The following SLC26A5 variants were observed in gnomAD, a reference collection of about 807,000 sequenced individuals.
SLC26A5 encodes the protein prestin.
SLC26A5 carries 51 observed loss-of-function variants against 81.0 expected under a neutral mutation model. That is an observed-to-expected ratio of 0.63 (90% CI 0.50 to 0.80). The LOEUF (loss-of-function observed/expected upper bound fraction) is 0.80. SLC26A5 is among the 30% of genes least tolerant of loss of function. The probability of loss-of-function intolerance (pLI) is 0.00; values close to 1 mark genes in which losing one functional copy is unlikely to be tolerated. For synonymous variants in SLC26A5, 325 were observed against 332.8 expected (o/e 0.98, Z 0.25); for missense variants, 771 against 905.8 (o/e 0.85, Z 1.91).
intron 14 of SLC26A5, among the ~76,000 whole-genome samples, chr7:103,385,932 TTTC>T (rs1483924806): frequency 1.8e-4 from 24 of 135,510 alleles, no homozygotes; most frequent in African/African-American, 9.2e-4. Context: ...TTTTTCTTTC[TTTC>T]TTTTTTTTTT....
chr7:103,419,818 G>GT (rs1358841329), intron 4 of SLC26A5, among the ~76,000 whole-genome samples: 1 of 151,910 alleles, frequency 6.6e-6, no homozygotes, highest in Non-Finnish European at 1.5e-5. Context: ...GATTACAGGC[G>GT]TAAGCCACCA....
In SLC26A5 at chr7:103,377,593, G is replaced by A. The variant is rs201734336; in HGVS notation, c.1986+6C>T. 2 of 1,613,604 alleles carry A rather than the reference G, an allele frequency of 1.2e-6. No homozygotes were observed. Among genetic ancestry groups the A allele is most frequent in the East Asian group, 2.2e-5 (1 of 44,872 alleles). Reference sequence around the variant, plus strand: ...TATTAAATGACTCGTTCAAGAGGATGCTTACCCCTGCCAGAGTTTTCACTC... The same window carrying A: ...TATTAAATGACTCGTTCAAGAGGATACTTACCCCTGCCAGAGTTTTCACTC... On this transcript the variant is annotated splice_donor_region_variant and intron_variant, in intron 18 of 19. Coordinates refer to ENST00000306312, the MANE Select transcript of SLC26A5 (RefSeq NM_198999.3).
At chr7:103,405,234 G>A (rs1453928125) in intron 8 of SLC26A5, among the ~76,000 whole-genome samples, 1 of 152,162 alleles carries the variant, frequency 6.6e-6, no homozygotes, top group Non-Finnish European at 1.5e-5. Flanking sequence ...TGCTGGTGAA[G>A]AGTTGTGATC....
At chr7:103,354,048 G>T in intron 19 of SLC26A5, 1 of 1,014,576 alleles carries the variant, frequency 9.9e-7, no homozygotes, top group Non-Finnish European at 1.4e-6. Context: ...ATTAGAAGAA[G>T]TTAAGAAACC....
At chr7:103,437,778 G>A (rs2116849046) in intron 2 of SLC26A5, among the ~76,000 whole-genome samples, 1 of 152,304 alleles carries the variant, frequency 6.6e-6, no homozygotes, top group South Asian at 2.1e-4. Context: ...GCTAGGTCAT[G>A]GGTGGGAGGG....
chr7:103,362,627 A>ACTTTGAAAGC, intron 19 of SLC26A5: 1 of 1,517,140 alleles, frequency 6.6e-7, no homozygotes, highest in Admixed American at 1.7e-5. Flanking sequence ...AGGACTAAAC[A>ACTTTGAAAGC]TAAAAGCACT....
At chr7:103,361,275 G>A (rs1041900539) in intron 19 of SLC26A5, among the ~76,000 whole-genome samples, 11 of 151,540 alleles carry the variant, frequency 7.3e-5, no homozygotes, top group African/African-American at 2.7e-4. Context: ...CCTGAGGTTG[G>A]GATTTCGAGA....
rs1822671144 is a variant in SLC26A5, at chr7:103,391,723, G to C, written c.1132C>G (p.Leu378Val). The C allele has an allele frequency of 6.2e-7, 1 of 1,613,688 alleles. No individual in the cohort carries two copies. Among genetic ancestry groups the C allele is most frequent in the Non-Finnish European group, 8.5e-7 (1 of 1,179,904 alleles). Reference sequence around the variant, plus strand: ...GAGCCAATGGAATTGCACAGTCCCAGGGCAATGAGCTCCTTTCCCATGTAG... The same window carrying C: ...GAGCCAATGGAATTGCACAGTCCCACGGCAATGAGCTCCTTTCCCATGTAG... ...QVDGNQELIA[L>V]GLCNSIGSLF... The change falls in exon 11 of 20, where the codon CTG becomes GTG. Residue 378 changes from leucine (L) to valine (V), a missense_variant. Leu to Val is a conservative substitution (Grantham distance 32). Coordinates refer to ENST00000306312, the MANE Select transcript of SLC26A5 (RefSeq NM_198999.3).
chr7:103,411,617 C>T (rs775923015), intron 5 of SLC26A5, 31 bp from the exon 6 acceptor site: 1 of 1,613,524 alleles, frequency 6.2e-7, no homozygotes, highest in South Asian at 1.1e-5. Context: ...GATCCCTGTT[C>T]AGGGTTCAGA....
At chr7:103,371,418 G>A (rs541235725), downstream of SLC26A5, among the ~76,000 whole-genome samples, 55 of 150,350 alleles carry the variant, frequency 3.7e-4, no homozygotes, top group East Asian at 4.1e-3. Context: ...TCCGCCTCCC[G>A]GGTTCACGCC....
At position 103,379,262 on chromosome 7, in the gene SLC26A5, C is replaced by T. The variant is rs193110872; in HGVS notation, c.1658G>A (p.Ser553Asn). 53 of 1,610,502 alleles carry T rather than the reference C, an allele frequency of 3.3e-5. No individual in the cohort carries two copies. The South Asian group carries it at 4.0e-4, about 12-fold the overall frequency. ...ACTCACCTTTCGTTTTAATGCATTG[C>T]TATACAAGTCGCTATTTGCATAGTA... The part of the protein sequence containing the change: ...PIYYANSDLY[S>N]NALKRKTGVN... Residue 553 changes from serine (S) to asparagine (N), a missense_variant, in exon 16 of 20, where the codon AGC becomes AAC. By Grantham distance (46) the Ser-to-Asn change is conservative. Transcript: ENST00000306312.
At chr7:103,397,752 T>C (rs893544940) in intron 9 of SLC26A5, among the ~76,000 whole-genome samples, 180 bp downstream of exon 9, 3 of 145,000 alleles carry the variant, frequency 2.1e-5, no homozygotes, top group African/African-American at 8.5e-5. Context: ...AAAAATTTGT[T>C]ATGTGTTTTT....
chr7:103,360,317 T>G (rs1294179161), intron 19 of SLC26A5, among the ~76,000 whole-genome samples: 1 of 152,218 alleles, frequency 6.6e-6, no homozygotes, highest in East Asian at 1.9e-4. Context: ...GTATTATTGC[T>G]GTTTGTTGTT....
At position 103,407,932 on chromosome 7, in the gene SLC26A5, A is replaced by C. The variant is rs776126109; in HGVS notation, c.807T>G (p.Phe269Leu). ...ACTCCTTGCCACCCAACAGCAAACC[A>C]AAAACCATCAGCCCGACGCCTAGGG... ...VCSLGVGLMVFGLLLGGKEFN... is the reference protein window; with the variant it reads ...VCSLGVGLMVLGLLLGGKEFN... The change falls in exon 8 of 20, where the codon TTT becomes TTG. Residue 269 changes from phenylalanine to leucine, a missense_variant. Transcript: ENST00000306312. 1.2e-6 allele frequency: 2 copies of C among 1,614,156 alleles called. No homozygotes were observed. The highest frequency in any genetic ancestry group is 2.2e-5 in the South Asian group (2 of 91,074).
rs758603865 is a variant in SLC26A5, at chr7:103,367,967, C to T, written c.2041+8841G>A. The T allele has an allele frequency of 1.1e-5, 18 of 1,613,954 alleles. No homozygotes were observed. The highest frequency in any genetic ancestry group is 3.3e-5 in the Admixed American group (2 of 59,994). ...TCAGAGCACGGCGAAAAATTGCTAC[C>T]GAGAAGGATTTCTTGGAAGCTGTAA... On this transcript the variant is annotated intron_variant, in intron 19 of 19. Coordinates refer to the SLC26A5 transcript ENST00000339444. This position sits in a 1 kb window ranked among gnomAD's most constrained non-coding sequence, Gnocchi z 6.1.
At chr7:103,414,978 C>T (rs1038349812) in intron 4 of SLC26A5, among the ~76,000 whole-genome samples, 1 of 152,204 alleles carries the variant, frequency 6.6e-6, no homozygotes, top group African/African-American at 2.4e-5. Context: ...AAGTGACACA[C>T]TCAAGAGGGC....
intron 8 of SLC26A5, 106 bp downstream of exon 8, chr7:103,407,745 C>A: frequency 7.7e-7 from 1 of 1,299,734 alleles, no homozygotes; most frequent in Admixed American, 2.1e-5. Flanking sequence ...CTTCTTTTGG[C>A]AGAATTGAGA....
At chr7:103,424,957 T>C (rs922565231) in intron 2 of SLC26A5, among the ~76,000 whole-genome samples, 13 of 152,246 alleles carry the variant, frequency 8.5e-5, no homozygotes, top group Admixed American at 6.5e-4. Flanking sequence ...CTTACCCATG[T>C]ATGTGGCAAC....
At chr7:103,393,365 A>G (rs189203853) in intron 9 of SLC26A5, among the ~76,000 whole-genome samples, 7 of 152,290 alleles carry the variant, frequency 4.6e-5, no homozygotes, top group African/African-American at 1.7e-4. Context: ...TGGCAAGTGT[A>G]AGTAAGACAC....
Sources: gnomAD v4.1 joint callset for allele counts (sites outside exome capture counted in the v4.1 genomes callset) on GRCh38, gnomAD v4.1.1 for gene constraint, Gnocchi (gnomAD v3.1) non-coding constraint, MANE v1.5 for transcripts, NCBI Gene and HGNC (gene_info 2026-07-23, HGNC 2026-07-21) for gene names.